The following TPCN1 variants were observed in gnomAD, a reference collection of about 807,000 sequenced individuals.
TPCN1 encodes the protein two pore channel protein 1.
In TPCN1, 52 loss-of-function variants were observed where a neutral mutation model predicts 108.8. That is an observed-to-expected ratio of 0.48 (90% CI 0.38 to 0.60). The LOEUF (loss-of-function observed/expected upper bound fraction) is 0.60, where lower values mean the gene tolerates loss of function less well. Ranked by LOEUF, TPCN1 falls within the 20% of genes least tolerant of loss-of-function variation. The pLI is 0.00. For missense variants in TPCN1, 806 were observed against 1,072.8 expected (o/e 0.75, Z 3.47); for synonymous variants, 446 against 433.7 (o/e 1.03, Z -0.35).
chr12:113,260,454 T>G lies in TPCN1; in HGVS notation c.199T>G (p.Trp67Gly). The G allele has an allele frequency of 1.3e-6, 2 of 1,571,286 alleles. No homozygotes were observed. Among genetic ancestry groups the G allele is most frequent in the Non-Finnish European group, 1.7e-6 (2 of 1,161,502 alleles). ...ESSPSSPAHN[W>G]EMNYQEAAIY... is the part of the protein sequence containing the mutation. Reference sequence around the variant, plus strand: ...TTCCCCCTCCAGCCCCGCACACAACTGGGAGATGAATTACCAAGAGGCAGC... The same window carrying G: ...TTCCCCCTCCAGCCCCGCACACAACGGGGAGATGAATTACCAAGAGGCAGC... The change falls in exon 3 of 28, where the codon TGG becomes GGG. Residue 67 changes from tryptophan to glycine, a missense_variant. Transcript: ENST00000335509.
intron 1 of TPCN1, among the ~76,000 whole-genome samples, chr12:113,221,861 C>T (rs1175782851): frequency 2.0e-5 from 3 of 152,182 alleles, no homozygotes; most frequent in Non-Finnish European, 4.4e-5. Flanking sequence ...CGTGGGCTCC[C>T]AGCCAGGGGC....
chr12:113,234,194 G>A (rs1240974003), intron 2 of TPCN1, among the ~76,000 whole-genome samples: 3 of 152,180 alleles, frequency 2.0e-5, no homozygotes, highest in Non-Finnish European at 4.4e-5. Flanking sequence ...ACAAAGGACA[G>A]CTACAGTGTC....
Position 113,266,470 on chromosome 12 carries a change from CAG to C in TPCN1, c.414+120_414+121del. The C allele has an allele frequency of 7.2e-7, 1 of 1,389,410 alleles. No individual in the cohort carries two copies. Among genetic ancestry groups the C allele is most frequent in the Non-Finnish European group, 9.8e-7 (1 of 1,015,270 alleles). The allele number at this position is 1,389,410 out of a possible 1,614,324, so 86.1% of individuals were successfully genotyped here. On this transcript the variant is annotated intron_variant, in intron 4 of 27. Coordinates refer to ENST00000335509, the MANE Select transcript of TPCN1 (RefSeq NM_017901.6). This position sits in a 1 kb window ranked among gnomAD's most constrained non-coding sequence, Gnocchi z 4.2. ...GCAAACACTGCAAACGGACTTAAAA[CAG>C]AGAGATACGAGGTGGTCATAGAGGC...
chr12:113,247,130 G>A (rs999903233), intron 2 of TPCN1, among the ~76,000 whole-genome samples: 5 of 152,230 alleles, frequency 3.3e-5, no homozygotes, highest in Non-Finnish European at 7.3e-5. Context: ...ATGGGCTTCA[G>A]TGGGGCAGAG....
intron 2 of TPCN1, among the ~76,000 whole-genome samples, chr12:113,243,970 A>C (rs1025534800): frequency 2.0e-5 from 3 of 151,970 alleles, no homozygotes; most frequent in Non-Finnish European, 2.9e-5. Flanking sequence ...CCTAACTCCC[A>C]AAAGCCTGTT....
Position 113,291,895 on chromosome 12 carries a change from G to A in TPCN1, c.2050G>A (p.Ala684Thr), listed in dbSNP as rs770950024. The A allele has an allele frequency of 2.5e-6, 4 of 1,613,162 alleles. No homozygotes were observed. Among genetic ancestry groups the A allele is most frequent in the East Asian group, 2.2e-5 (1 of 44,786 alleles). ...CCAGGTGGTGATGACGATCATTGTCGCCTTTATCCTCGAGGCCTTCGTCTT... is the reference window on the plus strand; with the variant it reads ...CCAGGTGGTGATGACGATCATTGTCACCTTTATCCTCGAGGCCTTCGTCTT... ...VTMVVMTIIVAFILEAFVFRM... is the reference protein window; with the variant it reads ...VTMVVMTIIVTFILEAFVFRM... Residue 684 changes from alanine (A) to threonine (T), a missense_variant, in exon 25 of 28, where the codon GCC becomes ACC. Physicochemically the swap from Ala to Thr is moderately conservative, Grantham distance 58. Coordinates refer to ENST00000335509, the MANE Select transcript of TPCN1 (RefSeq NM_017901.6).
chr12:113,271,423 G>C (rs953880851), intron 7 of TPCN1, among the ~76,000 whole-genome samples: 1 of 152,050 alleles, frequency 6.6e-6, no homozygotes, highest in South Asian at 2.1e-4. Context: ...CCTGTCCTAC[G>C]CTTATCATTC....
chr12:113,244,333 G>T (rs1439710073), intron 2 of TPCN1: 10 of 985,406 alleles, frequency 1.0e-5, no homozygotes, highest in African/African-American at 1.7e-5. Context: ...AACTGGGAGG[G>T]CTCTGTGCCA....
Position 113,284,539 on chromosome 12 carries a change from C to T in TPCN1, c.1343-42C>T. On this transcript the variant is annotated intron_variant, in intron 15 of 27. Coordinates refer to ENST00000335509, the MANE Select transcript of TPCN1 (RefSeq NM_017901.6). This position sits in a 1 kb window ranked among gnomAD's most constrained non-coding sequence, Gnocchi z 4.1. ...GCTGCGACCTGCAGATTTCTAAGCCCCCCTGTTATTTCTCTGTCTTTTACG... is the reference window on the plus strand; with the variant it reads ...GCTGCGACCTGCAGATTTCTAAGCCTCCCTGTTATTTCTCTGTCTTTTACG... 1.9e-6 allele frequency: 3 copies of T among 1,611,290 alleles called. No homozygotes were observed. The highest frequency in any genetic ancestry group is 1.9e-4 in the Middle Eastern group (1 of 5,296).
intron 7 of TPCN1, among the ~76,000 whole-genome samples, chr12:113,270,917 G>A (rs1236859838): frequency 6.6e-6 from 1 of 152,164 alleles, no homozygotes; most frequent in South Asian, 2.1e-4. Context: ...AGGGGCAGGG[G>A]ACACAAACAT....
At chr12:113,255,542 T>G (rs1954801381) in intron 2 of TPCN1, among the ~76,000 whole-genome samples, 1 of 152,184 alleles carries the variant, frequency 6.6e-6, no homozygotes, top group Admixed American at 6.5e-5. Context: ...TTTTTTTTTT[T>G]TGAGACAGAG....
chr12:113,232,339 C>G lies in TPCN1; in HGVS notation c.112+5375C>G, dbSNP rs1953720460. On this transcript the variant is annotated intron_variant, in intron 2 of 27. Coordinates refer to ENST00000335509, the MANE Select transcript of TPCN1 (RefSeq NM_017901.6). The surrounding 1 kb of genome is among the most constrained non-coding windows in gnomAD (Gnocchi z 5.6). ...GGCCCCCATGTGGCACCCTGGTCCC[C>G]TTTTCAGGGTCTTCATGCAGCCAGG... Among the ~76,000 whole-genome samples, 1 of 152,242 alleles carries G rather than the reference C, an allele frequency of 6.6e-6. No homozygotes were observed. The highest frequency in any genetic ancestry group is 1.5e-5 in the Non-Finnish European group (1 of 68,036).
rs934959099 is a variant in TPCN1, at chr12:113,266,073, C to T, written c.238-107C>T. ...AGCATCTTCTGTCTCTGGCCTGAAT[C>T]TCTCCTCGCCTGCCTGGGGCCTTCC... On this transcript the variant is annotated intron_variant, in intron 3 of 27. Transcript: ENST00000335509. This position sits in a 1 kb window ranked among gnomAD's most constrained non-coding sequence, Gnocchi z 4.2. 1 of 1,221,072 alleles carries T rather than the reference C, an allele frequency of 8.2e-7. No individual in the cohort carries two copies. The highest frequency in any genetic ancestry group is 1.5e-5 in the African/African-American group (1 of 66,122). The allele number at this position is 1,221,072 out of a possible 1,614,324, so 75.6% of individuals were successfully genotyped here. A position where few individuals can be genotyped will look rare whatever the true frequency, so the allele number is the denominator to read the frequency against.
At chr12:113,287,194 C>T in intron 19 of TPCN1, 100 bp downstream of exon 19, 1 of 992,732 alleles carries the variant, frequency 1.0e-6, no homozygotes, top group South Asian at 1.4e-5. Flanking sequence ...CCAGAAGGTT[C>T]ACAAGCCAGA....
intron 3 of TPCN1, among the ~76,000 whole-genome samples, chr12:113,263,939 G>T (rs1657375011): frequency 6.6e-6 from 1 of 152,174 alleles, no homozygotes; most frequent in African/African-American, 2.4e-5. Context: ...TCTGTTGGTG[G>T]AGACCTCATT....
rs1955532099 is a variant in TPCN1, at chr12:113,272,369, C to G, written c.749-289C>G. ...TTTTGTTTGGTCTGAAAACTTTGAG[C>G]CAGCATTTTAAAATTAGATTTTACA... is the stretch of plus-strand genomic sequence containing the variant. On this transcript the variant is annotated intron_variant, in intron 7 of 27. Coordinates refer to ENST00000335509, the MANE Select transcript of TPCN1 (RefSeq NM_017901.6). This position sits in a 1 kb window ranked among gnomAD's most constrained non-coding sequence, Gnocchi z 4.1. Among the ~76,000 whole-genome samples the G allele has an allele frequency of 6.6e-6, 1 of 152,198 alleles. No individual in the cohort carries two copies. The highest frequency in any genetic ancestry group is 1.5e-5 in the Non-Finnish European group (1 of 68,046).
intron 2 of TPCN1, among the ~76,000 whole-genome samples, chr12:113,239,526 A>G (rs145181270): frequency 1.3e-5 from 2 of 152,352 alleles, no homozygotes; most frequent in Non-Finnish European, 2.9e-5. Context: ...TAGAAGTTGC[A>G]TATCTGGGAG....
In TPCN1 at chr12:113,290,995, C is replaced by T. The variant is rs1402158579; in HGVS notation, c.1956C>T (p.Ile652=). Residue 652 remains isoleucine, a synonymous_variant, in exon 23 of 28, where the codon ATC becomes ATT. Coordinates refer to ENST00000335509, the MANE Select transcript of TPCN1 (RefSeq NM_017901.6). ...ELTVVNNWYI[I]MEGVTSQTSH... is the part of the protein sequence containing the mutation. ...CAGTTGTCAACAACTGGTACATCAT[C>T]ATGGTAAGAGCTCGGGCAGCTCTGG... The T allele has an allele frequency of 6.2e-7, 1 of 1,613,608 alleles. No homozygotes were observed. Among genetic ancestry groups the T allele is most frequent in the Non-Finnish European group, 8.5e-7 (1 of 1,179,964 alleles).
At chr12:113,244,283 C>G (rs1954263637) in intron 2 of TPCN1, 1 of 984,932 alleles carries the variant, frequency 1.0e-6, no homozygotes, top group African/African-American at 1.7e-5. Flanking sequence ...TTGGCTTAAG[C>G]CTTTGGCAGG....
Sources: gnomAD v4.1 joint callset for allele counts (sites outside exome capture counted in the v4.1 genomes callset) on GRCh38, gnomAD v4.1.1 for gene constraint, Gnocchi (gnomAD v3.1) non-coding constraint, MANE v1.5 for transcripts, NCBI Gene and HGNC (gene_info 2026-07-23, HGNC 2026-07-21) for gene names.